Variants in MACF1 observed in about 807,000 individuals in gnomAD.
MACF1 encodes the protein microtubule actin crosslinking factor 1, also known as microtubule-actin cross-linking factor 1.
A neutral mutation model predicts 854.8 loss-of-function variants in MACF1; 193 were observed. The ratio of observed to expected loss-of-function variants is 0.23; its 90% confidence interval spans 0.20 to 0.25. The LOEUF (loss-of-function observed/expected upper bound fraction) is 0.25. MACF1 is among the 10% of genes least tolerant of loss of function. MACF1 has a pLI of 1.00. For synonymous variants in MACF1, 3,185 were observed against 3,226.7 expected, an observed-to-expected ratio of 0.99 and a Z score of 0.44; for missense variants, 7,722 against 8,929.1, an observed-to-expected ratio of 0.86 and a Z score of 5.45.
At chr1:39,359,793 A>G (rs1448482096) in intron 47 of MACF1, among the ~76,000 whole-genome samples, 2 of 150,804 alleles carry the variant, frequency 1.3e-5, no homozygotes, top group Non-Finnish European at 3.0e-5. Context: ...AGAAGATGAA[A>G]CCCCGTCTCT....
intron 1 of MACF1, among the ~76,000 whole-genome samples, chr1:39,213,584 G>A (rs1017191332): frequency 6.6e-6 from 1 of 152,136 alleles, no homozygotes; most frequent in Non-Finnish European, 1.5e-5. Context: ...CAGTTTACCC[G>A]CCTTGGCCTC....
intron 29 of MACF1, among the ~76,000 whole-genome samples, 159 bp from the exon 30 acceptor site, chr1:39,318,294 T>C (rs1427902242): frequency 1.3e-5 from 2 of 152,184 alleles, no homozygotes; most frequent in Non-Finnish European, 2.9e-5. Context: ...GGTACATGCA[T>C]AGGTCTCACT....
chr1:39,454,996 C>T lies in MACF1; in HGVS notation c.20974C>T (p.Leu6992=), dbSNP rs202135814. 2.5e-5 allele frequency: 40 copies of T among 1,614,026 alleles called. No individual in the cohort carries two copies. The highest frequency in any genetic ancestry group is 1.6e-4 in the Middle Eastern group (1 of 6,084). The part of the protein sequence containing the change: ...VANAELLEEL[L]AWIQWAETTL... ...TAATGCTGAGCTCCTGGAAGAACTT[C>T]TGGCATGGATCCAGTGGGCTGAGAC... Residue 6992 remains leucine, a synonymous_variant, in exon 89 of 101, where the codon CTG becomes TTG. Transcript: ENST00000564288.
intron 58 of MACF1, among the ~76,000 whole-genome samples, chr1:39,390,666 A>G (rs191360261): frequency 7.1e-4 from 108 of 152,226 alleles, no homozygotes; most frequent in African/African-American, 2.4e-3. Context: ...CTCTTTTGTT[A>G]TAAGTGTCTC....
At chr1:39,353,351 T>C (rs1647261428) in intron 44 of MACF1, 120 bp downstream of exon 44, 2 of 701,130 alleles carry the variant, frequency 2.9e-6, no homozygotes, top group Non-Finnish European at 4.7e-6. Context: ...TTCTTTGATG[T>C]CTCAGCAGCT....
chr1:39,382,668 C>T (rs1650338152), intron 56 of MACF1, among the ~76,000 whole-genome samples: 2 of 148,774 alleles, frequency 1.3e-5, no homozygotes, highest in Non-Finnish European at 3.0e-5. Flanking sequence ...GACAGTAGAG[C>T]GTGACTCCGT....
chr1:39,161,818 G>C (rs1050474841), intron 2 of MACF1, among the ~76,000 whole-genome samples: 8 of 151,766 alleles, frequency 5.3e-5, no homozygotes, highest in Non-Finnish European at 8.8e-5. Flanking sequence ...AGTGAGCAGA[G>C]ATCGTGCCAC....
chr1:39,117,980 C>G (rs541069598), intron 2 of MACF1, among the ~76,000 whole-genome samples: 17 of 152,334 alleles, frequency 1.1e-4, no homozygotes, highest in African/African-American at 3.8e-4. Context: ...CCCTTTGATG[C>G]CAGGTAATTT....
Position 39,334,178 on chromosome 1 carries a change from T to C in MACF1, c.7590T>C (p.Asp2530=), listed in dbSNP as rs367764690. The C allele has an allele frequency of 1.2e-5, 20 of 1,614,164 alleles. No individual in the cohort carries two copies. In the African/African-American group the frequency reaches 2.5e-4, roughly 20 times the overall value. The change falls in exon 37 of 101, where the codon GAT becomes GAC. Residue 2530 remains aspartate (D), a synonymous_variant. Transcript: ENST00000564288. Reference sequence around the variant, plus strand: ...TCAGACATGGCTTAATTGGTGAAGATTTAGCCGAGAAACTCAAAAGAGTTG... The same window carrying C: ...TCAGACATGGCTTAATTGGTGAAGACTTAGCCGAGAAACTCAAAAGAGTTG... ...NAFRHGLIGE[D]LAEKLKRVEN...
intron 23 of MACF1, among the ~76,000 whole-genome samples, chr1:39,306,523 A>G (rs1302183220): frequency 6.6e-6 from 1 of 151,286 alleles, no homozygotes; most frequent in African/African-American, 2.4e-5. Context: ...ACTCTCCTAC[A>G]TTACTGTAAA....
chr1:39,096,352 T>C (rs1314845244), intron 2 of MACF1, among the ~76,000 whole-genome samples: 1 of 151,860 alleles, frequency 6.6e-6, no homozygotes, highest in Non-Finnish European at 1.5e-5. Context: ...ACAAGGGCTA[T>C]AGAAGTTATG....
intron 47 of MACF1, among the ~76,000 whole-genome samples, chr1:39,360,095 A>G (rs1253129660): frequency 7.0e-6 from 1 of 143,550 alleles, no homozygotes; most frequent in East Asian, 2.0e-4. Context: ...ACATATATAC[A>G]CACACACACA....
chr1:39,189,055 T>C (rs1300803341), intron 2 of MACF1, among the ~76,000 whole-genome samples: 1 of 152,214 alleles, frequency 6.6e-6, no homozygotes, highest in Non-Finnish European at 1.5e-5. Flanking sequence ...AGATTTCATT[T>C]AATATCCCTG....
At chr1:39,190,398 T>TTG (rs1644238761) in intron 2 of MACF1, among the ~76,000 whole-genome samples, 1 of 122,114 alleles carries the variant, frequency 8.2e-6, no homozygotes, top group Non-Finnish European at 1.7e-5. Context: ...TGTGTTTGTT[T>TTG]TTGTTTTTTT....
chr1:39,190,271 C>T (rs1365478204), intron 2 of MACF1, among the ~76,000 whole-genome samples: 1 of 151,486 alleles, frequency 6.6e-6, no homozygotes, highest in East Asian at 1.9e-4. Context: ...CCTTCGCTGC[C>T]TCTCTCTCTT....
At chr1:39,246,497 T>C (rs2148328819) in intron 2 of MACF1, among the ~76,000 whole-genome samples, 1 of 152,276 alleles carries the variant, frequency 6.6e-6, no homozygotes, top group South Asian at 2.1e-4. Context: ...TTGGGTCTAT[T>C]TGAGGGAGGG....
intron 61 of MACF1, among the ~76,000 whole-genome samples, chr1:39,426,180 A>G (rs1224559218): frequency 2.6e-5 from 4 of 152,214 alleles, no homozygotes; most frequent in African/African-American, 9.6e-5. Flanking sequence ...ACTTGAAGAT[A>G]TATTTTGAAG....
At chr1:39,108,932 T>G (rs1054010555) in intron 2 of MACF1, among the ~76,000 whole-genome samples, 3 of 152,214 alleles carry the variant, frequency 2.0e-5, no homozygotes, top group Non-Finnish European at 2.9e-5. Context: ...CTAAGTGTTG[T>G]GGGTTATACG....
At chr1:39,120,590 C>G (rs188017614) in intron 2 of MACF1, among the ~76,000 whole-genome samples, 93 of 152,212 alleles carry the variant, frequency 6.1e-4, no homozygotes, top group African/African-American at 2.2e-3. Flanking sequence ...TCTCGAACTC[C>G]TGACCTCGTG....
Sources: allele counts gnomAD v4.1 joint callset (sites outside exome capture counted in the v4.1 genomes callset), GRCh38; gene constraint gnomAD v4.1.1; transcripts MANE v1.5; gene names NCBI Gene and HGNC (gene_info 2026-07-23, HGNC 2026-07-21).